Variants in ARHGAP10 observed in about 807,000 individuals in gnomAD.
ARHGAP10 encodes the protein rho GTPase-activating protein 10.
A neutral mutation model predicts 108.6 loss-of-function variants in ARHGAP10; 87 were observed. The observed-to-expected ratio is 0.80, with a 90% CI of 0.67 to 0.96. The LOEUF is 0.96. Among genes scored for constraint, ARHGAP10 ranks in the 40% least tolerant of loss-of-function variants. The pLI, the probability that ARHGAP10 is intolerant of heterozygous loss-of-function variation, is 0.00. For synonymous variants in ARHGAP10, 347 were observed against 341.1 expected, an observed-to-expected ratio of 1.02 and a Z score of -0.19; for missense variants, 939 against 954.5, an observed-to-expected ratio of 0.98 and a Z score of 0.21.
chr4:147,926,078 AGTGG>A (rs2126941592), intron 13 of ARHGAP10, among the ~76,000 whole-genome samples: 1 of 152,140 alleles, frequency 6.6e-6, no homozygotes, highest in African/African-American at 2.4e-5. Flanking sequence ...GGTAGTGGTG[AGTGG>A]GTGGTATGAT....
chr4:147,766,834 A>ATT (rs1560747040), intron 1 of ARHGAP10, among the ~76,000 whole-genome samples: 69 of 103,206 alleles, frequency 6.7e-4, no homozygotes, highest in African/African-American at 3.0e-3. Context: ...ATATATATAT[A>ATT]TATATTTATT....
chr4:147,975,741 C>A (rs1367910191), intron 18 of ARHGAP10, among the ~76,000 whole-genome samples: 2 of 152,234 alleles, frequency 1.3e-5, no homozygotes, highest in African/African-American at 4.8e-5. Flanking sequence ...AAGCTCACAT[C>A]TCTCAACACT....
chr4:147,918,930 T>G (rs1239733167), intron 13 of ARHGAP10, among the ~76,000 whole-genome samples: 2 of 152,230 alleles, frequency 1.3e-5, no homozygotes, highest in African/African-American at 4.8e-5. Context: ...CCTTACTCTC[T>G]CATACTTACC....
chr4:147,907,863 G>A (rs947338884), intron 11 of ARHGAP10, among the ~76,000 whole-genome samples: 6 of 152,070 alleles, frequency 3.9e-5, no homozygotes, highest in Admixed American at 6.6e-5. Context: ...TTGATTGATC[G>A]ATGGAATCTC....
intron 7 of ARHGAP10, among the ~76,000 whole-genome samples, chr4:147,874,199 T>A (rs1467761315): frequency 5.3e-5 from 8 of 152,222 alleles, no homozygotes; most frequent in Non-Finnish European, 4.4e-5. Context: ...AATAATAATT[T>A]TCTGTCTCAG....
At chr4:147,910,863 C>A (rs748170913) in intron 12 of ARHGAP10, among the ~76,000 whole-genome samples, 72 of 152,270 alleles carry the variant, frequency 4.7e-4, no homozygotes, top group Middle Eastern at 3.4e-3. Context: ...TAAAACACAA[C>A]TCTTGTAGCC....
rs557833278 is a variant in ARHGAP10, at chr4:147,754,884, A to G, written c.154+22429A>G. Among the ~76,000 whole-genome samples, 157 of 152,300 alleles carry G rather than the reference A, an allele frequency of 1.0e-3. 1 individual carries two copies. Among genetic ancestry groups the G allele is most frequent in the Middle Eastern group, 3.4e-3 (1 of 294 alleles). On this transcript the variant is annotated intron_variant, in intron 1 of 22. Coordinates refer to ENST00000336498, the MANE Select transcript of ARHGAP10 (RefSeq NM_024605.4). ...GGAGGCGGCTGGATCACCTGAGGTCAGGAGCTCGAGACCAGCCTGACCAAC... is the reference window on the plus strand; with the variant it reads ...GGAGGCGGCTGGATCACCTGAGGTCGGGAGCTCGAGACCAGCCTGACCAAC...
chr4:147,894,860 C>A (rs1735923122), intron 10 of ARHGAP10, among the ~76,000 whole-genome samples: 1 of 152,170 alleles, frequency 6.6e-6, no homozygotes, highest in Non-Finnish European at 1.5e-5. Flanking sequence ...TTTCTAGATT[C>A]TCTACTCTGT....
At chr4:147,872,683 T>G (rs563761557) in intron 7 of ARHGAP10, among the ~76,000 whole-genome samples, 1 of 152,276 alleles carries the variant, frequency 6.6e-6, no homozygotes, top group Non-Finnish European at 1.5e-5. Context: ...GTTCTTACAA[T>G]GAAGTAAGCT....
At chr4:147,891,251 A>G (rs539400238) in intron 10 of ARHGAP10, among the ~76,000 whole-genome samples, 84 of 152,366 alleles carry the variant, frequency 5.5e-4, no homozygotes, top group Admixed American at 9.1e-4. Flanking sequence ...AGATGAATGG[A>G]TAAATAAAAG....
chr4:148,027,925 G>A (rs1490489012), intron 19 of ARHGAP10, among the ~76,000 whole-genome samples: 1 of 151,936 alleles, frequency 6.6e-6, no homozygotes, highest in Non-Finnish European at 1.5e-5. Context: ...TTTATTAGTG[G>A]TTTTTATTAT....
intron 18 of ARHGAP10, among the ~76,000 whole-genome samples, chr4:148,008,802 A>G (rs895330446): frequency 6.6e-6 from 1 of 152,038 alleles, no homozygotes; most frequent in Non-Finnish European, 1.5e-5. Flanking sequence ...CTCATTCCTT[A>G]AGATTGTAGT....
chr4:147,854,608 A>G (rs961884254), intron 4 of ARHGAP10: 122 of 686,442 alleles, frequency 1.8e-4, no homozygotes, highest in Middle Eastern at 7.4e-4. Context: ...GTATTGGGGG[A>G]AAAAAAAAGC....
chr4:147,751,883 GTTTTTTT>G, intron 1 of ARHGAP10, among the ~76,000 whole-genome samples: 1 of 126,304 alleles, frequency 7.9e-6, no homozygotes, highest in East Asian at 2.3e-4. Flanking sequence ...GAAGCCTTTA[GTTTTTTT>G]TTTTTTTTTT....
At chr4:147,926,812 G>A (rs1014297687) in intron 13 of ARHGAP10, among the ~76,000 whole-genome samples, 1 of 152,186 alleles carries the variant, frequency 6.6e-6, no homozygotes, top group Non-Finnish European at 1.5e-5. Flanking sequence ...GAAGTCAGCT[G>A]TGCCAAATAC....
intron 1 of ARHGAP10, among the ~76,000 whole-genome samples, chr4:147,745,788 G>GA (rs1315278206): frequency 1.1e-5 from 1 of 91,648 alleles, no homozygotes; most frequent in Non-Finnish European, 2.6e-5. Flanking sequence ...ACTGTGCCCG[G>GA]CCTTTTTTTT....
intron 1 of ARHGAP10, among the ~76,000 whole-genome samples, chr4:147,741,800 A>ACACG (rs1553944894): frequency 1.5e-4 from 21 of 139,054 alleles, no homozygotes; most frequent in South Asian, 4.6e-4. Context: ...ACGCACACAC[A>ACACG]CACACACACA....
At chr4:147,854,708 A>C (rs1734019945) in intron 4 of ARHGAP10, 1 of 984,242 alleles carries the variant, frequency 1.0e-6, no homozygotes, top group Non-Finnish European at 1.2e-6. Flanking sequence ...AAGAAACAAT[A>C]ATACTCTATA....
intron 13 of ARHGAP10, among the ~76,000 whole-genome samples, chr4:147,934,054 C>T (rs140934292): frequency 1.2e-3 from 179 of 152,294 alleles, no homozygotes; most frequent in Non-Finnish European, 1.6e-3. Flanking sequence ...TGAGTTGGGA[C>T]CTTGGCTGAG....
Sources: allele counts gnomAD v4.1 joint callset (sites outside exome capture counted in the v4.1 genomes callset), GRCh38; gene constraint gnomAD v4.1.1; transcripts MANE v1.5; gene names NCBI Gene and HGNC (gene_info 2026-07-23, HGNC 2026-07-21).